REV3L: variants seen among roughly 807,000 people sequenced by gnomAD.
The protein encoded by REV3L is REV3 like, DNA directed polymerase zeta catalytic subunit, also known as DNA polymerase zeta catalytic subunit.
A neutral mutation model predicts 299.4 loss-of-function variants in REV3L; 69 were observed. That is an observed-to-expected ratio of 0.23 (90% CI 0.19 to 0.28). The LOEUF (loss-of-function observed/expected upper bound fraction) is 0.28. Among genes scored for constraint, REV3L ranks in the 10% least tolerant of loss-of-function variants. The probability of loss-of-function intolerance (pLI) is 1.00; values close to 1 mark genes in which losing one functional copy is unlikely to be tolerated. For synonymous variants in REV3L, 1,238 were observed against 1,271.4 expected, an observed-to-expected ratio of 0.97 and a Z score of 0.56; for missense variants, 3,128 against 3,693.8, an observed-to-expected ratio of 0.85 and a Z score of 3.97.
chr6:111,385,073 A>G, intron 9 of REV3L, among the ~76,000 whole-genome samples: 1 of 151,898 alleles, frequency 6.6e-6, no homozygotes, highest in African/African-American at 2.4e-5. Context: ...ACTCATGGAG[A>G]TAAGAGAGTA....
intron 1 of REV3L, among the ~76,000 whole-genome samples, chr6:111,435,876 T>A (rs1016716101): frequency 2.0e-5 from 3 of 152,114 alleles, no homozygotes; most frequent in Non-Finnish European, 4.4e-5. Context: ...AGACAATTCA[T>A]AAAATGGAAA....
chr6:111,331,828 A>G lies in REV3L; in HGVS notation c.7926-44T>C, dbSNP rs1405268333. The G allele has an allele frequency of 3.2e-6, 4 of 1,239,882 alleles. No homozygotes were observed. The African/African-American group carries it at 6.0e-5, about 19-fold the overall frequency. 76.8% of individuals were successfully genotyped at this position (1,239,882 alleles called of 1,614,324 possible). A position where few individuals can be genotyped will look rare whatever the true frequency, so the allele number is the denominator to read the frequency against. On this transcript the variant is annotated intron_variant, in intron 23 of 31. Transcript: ENST00000368802. ...TTAAGCAAATACTTCCTCAAATCATAGAACAGAGATTTTACGCAATTTAAA... is the reference window on the plus strand; with the variant it reads ...TTAAGCAAATACTTCCTCAAATCATGGAACAGAGATTTTACGCAATTTAAA...
rs906148321 is a variant in REV3L, at chr6:111,331,506, TC to T, written c.8034+169del. ...AAGAAAAACAAGGTGACTGGTTTGT[TC>T]CTGAAGTGATTTCTTAGAAGATTCT... On this transcript the variant is annotated intron_variant, in intron 24 of 31. Coordinates refer to ENST00000368802, the MANE Select transcript of REV3L (RefSeq NM_001372078.1). Among the ~76,000 whole-genome samples the T allele has an allele frequency of 3.3e-5, 5 of 152,342 alleles. No homozygotes were observed. In the South Asian group the frequency reaches 1.0e-3, roughly 32 times the overall value.
chr6:111,478,410 T>C lies in REV3L; in HGVS notation c.139+4340A>G, dbSNP rs536797649. Among the ~76,000 whole-genome samples the C allele has an allele frequency of 9.9e-5, 15 of 152,276 alleles. No individual in the cohort carries two copies. In the East Asian group the frequency reaches 2.9e-3, roughly 29 times the overall value. On this transcript the variant is annotated intron_variant, in intron 1 of 31. Transcript: ENST00000368802. Reference sequence around the variant, plus strand: ...ACCTACTTTAAAAAAAGTGACCAATTTGTTTGTGATGAGTCATTACATCTC... The same window carrying C: ...ACCTACTTTAAAAAAAGTGACCAATCTGTTTGTGATGAGTCATTACATCTC...
At position 111,373,942 on chromosome 6, in the gene REV3L, T is replaced by C. The variant is rs1780044337; in HGVS notation, c.4413A>G (p.Ala1471=). ...TAAAGCCCCTTTGCTTTTGCTCCCA[T>C]GCTATTTGTTTGATTGGACTTCTCA... The part of the protein sequence containing the change: ...TSLRSPIKQI[A]WEQKQRGFIL... The change falls in exon 13 of 32, where the codon GCA becomes GCG. Residue 1471 remains alanine, a synonymous_variant. Transcript: ENST00000368802. 2 of 1,614,028 alleles carry C rather than the reference T, an allele frequency of 1.2e-6. No homozygotes were observed. The highest frequency in any genetic ancestry group is 3.3e-5 in the Admixed American group (2 of 60,008).
intron 1 of REV3L, among the ~76,000 whole-genome samples, chr6:111,440,305 G>C (rs1465502214): frequency 6.6e-6 from 1 of 152,164 alleles, no homozygotes; most frequent in Non-Finnish European, 1.5e-5. Flanking sequence ...CCAACCTCAG[G>C]TGATCCACCC....
At position 111,373,401 on chromosome 6, in the gene REV3L, T is replaced by C. The variant is rs778226918; in HGVS notation, c.4954A>G (p.Ile1652Val). 3 of 1,613,476 alleles carry C rather than the reference T, an allele frequency of 1.9e-6. No individual in the cohort carries two copies. Among genetic ancestry groups the C allele is most frequent in the South Asian group, 2.2e-5 (2 of 90,932 alleles). ...AAGCTACAAAATCCAGTCTGACCTA[T>C]TGTGTTAATATCAAAATTATAATTA... Reference protein sequence around the residue: ...EHNYNFDINTIGQTGFCSFYS... With the variant: ...EHNYNFDINTVGQTGFCSFYS... Residue 1652 changes from isoleucine to valine, a missense_variant, in exon 13 of 32, where the codon ATA becomes GTA. Around this residue, in one of 9 missense-constraint regions of REV3L, gnomAD observed 2,409 missense variants for 2,611.8 expected, o/e 0.92. Transcript: ENST00000368802.
intron 1 of REV3L, among the ~76,000 whole-genome samples, chr6:111,418,775 CT>C (rs1486273054): frequency 6.6e-6 from 1 of 152,160 alleles, no homozygotes; most frequent in African/African-American, 2.4e-5. Context: ...CCTTATCTAA[CT>C]TTCCCATTTC....
chr6:111,396,113 G>A (rs1239477579), intron 4 of REV3L, among the ~76,000 whole-genome samples: 4 of 152,152 alleles, frequency 2.6e-5, no homozygotes, highest in East Asian at 3.9e-4. Flanking sequence ...TGTAACCTCC[G>A]CCTCCTGGGC....
intron 2 of REV3L, among the ~76,000 whole-genome samples, chr6:111,412,786 T>C (rs918738417): frequency 6.7e-6 from 1 of 149,358 alleles, no homozygotes; most frequent in African/African-American, 2.5e-5. Context: ...AAAAAACAAC[T>C]ATTTACCAAG....
At chr6:111,467,859 G>A (rs1025148237) in intron 1 of REV3L, among the ~76,000 whole-genome samples, 9 of 152,170 alleles carry the variant, frequency 5.9e-5, no homozygotes, top group Non-Finnish European at 1.0e-4. Context: ...CTGTACGTAA[G>A]AGTAGAGCAT....
intron 21 of REV3L, among the ~76,000 whole-genome samples, chr6:111,338,510 A>C (rs1255345821): frequency 6.6e-6 from 1 of 150,524 alleles, no homozygotes; most frequent in African/African-American, 2.4e-5. Context: ...TTTTTTTACT[A>C]ATTTAAAAGT....
In REV3L at chr6:111,395,848, T is replaced by C. The variant is rs532688355; in HGVS notation, c.566-2876A>G. Among the ~76,000 whole-genome samples the C allele has an allele frequency of 3.0e-4, 46 of 152,300 alleles. 2 individuals carry two copies. In the South Asian group the frequency reaches 8.9e-3, roughly 29 times the overall value. ...GTTTTTCAGACATGATGTTCATTAT[T>C]TGAGGTATGATCCTTCTATGATTAA... On this transcript the variant is annotated intron_variant, in intron 4 of 31. Transcript: ENST00000368802.
chr6:111,402,650 G>C (rs886398412), intron 4 of REV3L, among the ~76,000 whole-genome samples: 1 of 152,100 alleles, frequency 6.6e-6, no homozygotes, highest in African/African-American at 2.4e-5. Flanking sequence ...ACCCTCCCTG[G>C]TGACTTTTCA....
At chr6:111,329,828 C>T in intron 24 of REV3L, 90 bp from the exon 25 acceptor site, 3 of 959,344 alleles carry the variant, frequency 3.1e-6, no homozygotes, top group South Asian at 2.9e-5. Context: ...TAATGGCCAA[C>T]TGTCAGGAAT....
intron 3 of REV3L, among the ~76,000 whole-genome samples, chr6:111,407,148 C>T (rs1215872974): frequency 6.6e-6 from 1 of 152,086 alleles, no homozygotes; most frequent in Admixed American, 6.5e-5. Flanking sequence ...ATCAAAATTT[C>T]TCTGCCTTGT....
At chr6:111,449,910 G>C (rs1171504408) in intron 1 of REV3L, among the ~76,000 whole-genome samples, 3 of 152,110 alleles carry the variant, frequency 2.0e-5, no homozygotes, top group African/African-American at 7.2e-5. Context: ...ACAGATGATG[G>C]AATTAGTAAG....
chr6:111,482,906 C>T lies in REV3L; in HGVS notation c.-18G>A. ...GAAAACATGTTCGCCGCCGCCGCCACTGCCTCCCTTCACTGGCGACCCGGC... is the reference window on the plus strand; with the variant it reads ...GAAAACATGTTCGCCGCCGCCGCCATTGCCTCCCTTCACTGGCGACCCGGC... On this transcript the variant is annotated 5_prime_UTR_variant, in exon 1 of 32. It adds an upstream start codon to the 5' untranslated region. Transcript: ENST00000368802. The T allele has an allele frequency of 1.3e-6, 2 of 1,510,836 alleles. No homozygotes were observed. The highest frequency in any genetic ancestry group is 1.3e-5 in the South Asian group (1 of 75,868). 93.6% of individuals were successfully genotyped at this position (1,510,836 alleles called of 1,614,324 possible).
rs9400472 is a variant in REV3L, at chr6:111,410,360, T to C, written c.404+1120A>G. ...TTTGCTATGGTTGCAAGGAAAAAAA[T>C]TGATTGTATTTATAATTTGTTTATA... On this transcript the variant is annotated intron_variant, in intron 3 of 31. Transcript: ENST00000368802. 1.3e-3 allele frequency among the ~76,000 whole-genome samples: 196 copies of C among 152,306 alleles called. 5 individuals are homozygous for C. In the East Asian group the frequency reaches 0.036, roughly 28 times the overall value.
Sources: gnomAD v4.1 joint callset for allele counts (sites outside exome capture counted in the v4.1 genomes callset) on GRCh38, gnomAD v4.1.1 for gene constraint, gnomAD v4.1.1 regional missense constraint, MANE v1.5 for transcripts, NCBI Gene and HGNC (gene_info 2026-07-23, HGNC 2026-07-21) for gene names.